XPO6: variants seen among roughly 807,000 people sequenced by gnomAD.
XPO6 encodes exportin 6.
XPO6 carries 3 observed loss-of-function variants against 130.0 expected under a neutral mutation model. That is an observed-to-expected ratio of 0.02 (90% CI 0.01 to 0.06). The LOEUF (loss-of-function observed/expected upper bound fraction) is 0.06. Among genes scored for constraint, XPO6 ranks in the 10% least tolerant of loss-of-function variants. XPO6 has a pLI of 1.00. For missense variants in XPO6, 970 were observed against 1,393.0 expected (o/e 0.70, Z 4.83); for synonymous variants, 524 against 548.9 (o/e 0.95, Z 0.63).
chr16:28,160,509 A>AAAAAAAAT, intron 6 of XPO6, among the ~76,000 whole-genome samples: 1 of 151,548 alleles, frequency 6.6e-6, no homozygotes. Flanking sequence ...ATCACCAAAA[A>AAAAAAAAT]AAAAAAAAAA....
chr16:28,118,269 C>T (rs2087123789), intron 14 of XPO6, among the ~76,000 whole-genome samples: 1 of 152,158 alleles, frequency 6.6e-6, no homozygotes, highest in South Asian at 2.1e-4. Flanking sequence ...ATTTTTCTAT[C>T]TTTCCTTTTC....
intron 21 of XPO6, 79 bp from the exon 22 acceptor site, chr16:28,102,024 TG>T (rs762641729): frequency 2.4e-6 from 3 of 1,231,556 alleles, no homozygotes; most frequent in Non-Finnish European, 3.5e-6. Context: ...GAAGAACAAG[TG>T]CCAGGGCCAG....
chr16:28,194,923 T>A (rs2043835561), intron 1 of XPO6, among the ~76,000 whole-genome samples: 1 of 148,196 alleles, frequency 6.7e-6, no homozygotes, highest in South Asian at 2.2e-4. Context: ...CACCCTTTTC[T>A]CTCCACATAA....
chr16:28,194,019 A>G (rs536541813), intron 1 of XPO6, among the ~76,000 whole-genome samples: 1 of 152,162 alleles, frequency 6.6e-6, no homozygotes, highest in South Asian at 2.1e-4. Context: ...TCTAATGATG[A>G]CTTCCTGATT....
chr16:28,158,356 T>C (rs1171038911), intron 6 of XPO6, among the ~76,000 whole-genome samples: 5 of 152,188 alleles, frequency 3.3e-5, no homozygotes, highest in Admixed American at 6.5e-5. Flanking sequence ...CTACATCACA[T>C]GGGATATTGC....
At chr16:28,125,991 C>G in intron 12 of XPO6, 143 bp from the exon 13 acceptor site, 1 of 968,526 alleles carries the variant, frequency 1.0e-6, no homozygotes, top group South Asian at 1.6e-5. Flanking sequence ...GGCTGCTTCC[C>G]AGTACTGAGC....
At chr16:28,210,932 A>G (rs956998583) in intron 1 of XPO6, among the ~76,000 whole-genome samples, 1 of 152,298 alleles carries the variant, frequency 6.6e-6, no homozygotes, top group East Asian at 1.9e-4. Flanking sequence ...AAATCTTAAC[A>G]CTGTTAAAAA....
intron 1 of XPO6, among the ~76,000 whole-genome samples, chr16:28,186,452 G>A (rs1394142399): frequency 2.3e-5 from 3 of 132,560 alleles, no homozygotes; most frequent in African/African-American, 8.6e-5. Context: ...AGTTCACTGA[G>A]GCCTCAAACT....
intron 4 of XPO6, among the ~76,000 whole-genome samples, chr16:28,172,417 A>G (rs2043463637): frequency 6.6e-6 from 1 of 152,130 alleles, no homozygotes; most frequent in Admixed American, 6.6e-5. Context: ...AGAAACAGCA[A>G]TTCTCTCCTA....
At chr16:28,125,879 C>A (rs763868027) in intron 12 of XPO6, 31 bp from the exon 13 acceptor site, 11 of 1,603,292 alleles carry the variant, frequency 6.9e-6, no homozygotes. Flanking sequence ...CAGTTTTTCA[C>A]AGGAAGACCA....
intron 6 of XPO6, among the ~76,000 whole-genome samples, chr16:28,161,606 T>C (rs1407758485): frequency 2.0e-5 from 3 of 152,156 alleles, no homozygotes; most frequent in African/African-American, 7.2e-5. Flanking sequence ...ATAATACTTA[T>C]GGTAAAAGCA....
rs1298878253 is a variant in XPO6 at position 28,153,745 on chromosome 16, C to CT, written c.1098-961dup. The CT allele has an allele frequency of 1.0e-5, 10 of 985,262 alleles. No homozygotes were observed. In the African/African-American group the frequency reaches 1.7e-4, roughly 17 times the overall value. 61.0% of individuals were successfully genotyped at this position (985,262 alleles called of 1,614,324 possible). The stretch of plus-strand genomic sequence containing the variant: ...ACAAAAAGGTAAAGACATACTAGGC[C>CT]TTAGCTGAAAATGAAATAATGGCTA... On this transcript the variant is annotated intron_variant, in intron 7 of 23. Transcript: ENST00000304658.
chr16:28,209,410 C>T (rs546899442), intron 1 of XPO6, among the ~76,000 whole-genome samples: 4 of 151,636 alleles, frequency 2.6e-5, no homozygotes, highest in South Asian at 2.1e-4. Context: ...GAGGCCGAGG[C>T]GGGTGGATCA....
At chr16:28,176,464 A>G (rs2043535316) in intron 3 of XPO6, among the ~76,000 whole-genome samples, 1 of 152,178 alleles carries the variant, frequency 6.6e-6, no homozygotes, top group African/African-American at 2.4e-5. Context: ...GAAAAGTAGA[A>G]TACAAAATAG....
intron 1 of XPO6, among the ~76,000 whole-genome samples, chr16:28,188,756 A>C (rs1274483174): frequency 6.6e-6 from 1 of 151,468 alleles, no homozygotes; most frequent in African/African-American, 2.4e-5. Flanking sequence ...ATGAAATACT[A>C]AGCTTAAAAT....
At chr16:28,134,026 A>C (rs1007429391) in intron 10 of XPO6, 93 bp from the exon 11 acceptor site, 2 of 1,279,128 alleles carry the variant, frequency 1.6e-6, no homozygotes, top group African/African-American at 2.9e-5. Context: ...AATTTTGAAG[A>C]AATGGAAAAT....
chr16:28,193,262 G>A (rs142004253), intron 1 of XPO6, among the ~76,000 whole-genome samples: 4 of 152,154 alleles, frequency 2.6e-5, no homozygotes, highest in Non-Finnish European at 4.4e-5. Flanking sequence ...TAATGTTGCC[G>A]GGGTGGCAGC....
At position 28,129,135 on chromosome 16, in the gene XPO6, C is replaced by G. The variant is rs2042618352; in HGVS notation, c.1606+3199G>C. On this transcript the variant is annotated intron_variant, in intron 12 of 23. Coordinates refer to ENST00000304658, the MANE Select transcript of XPO6 (RefSeq NM_015171.4). Reference sequence around the variant, plus strand: ...ACAAAACTGCAATTCCATACAGTTCCACTTCACACATATGTGTATCTAAGA... The same window carrying G: ...ACAAAACTGCAATTCCATACAGTTCGACTTCACACATATGTGTATCTAAGA... Among the ~76,000 whole-genome samples, 4 of 152,194 alleles carry G rather than the reference C, an allele frequency of 2.6e-5. No individual in the cohort carries two copies. In the South Asian group the frequency reaches 8.3e-4, roughly 32 times the overall value.
intron 4 of XPO6, among the ~76,000 whole-genome samples, chr16:28,172,082 A>G (rs1298422537): frequency 6.6e-6 from 1 of 152,210 alleles, no homozygotes; most frequent in Non-Finnish European, 1.5e-5. Context: ...TGGAAAATCT[A>G]TCTGCAAGCT....
Sources: gnomAD v4.1 joint callset for allele counts (sites outside exome capture counted in the v4.1 genomes callset) on GRCh38, gnomAD v4.1.1 for gene constraint, MANE v1.5 for transcripts, NCBI Gene and HGNC (gene_info 2026-07-23, HGNC 2026-07-21) for gene names.